Variants in ZDHHC11B observed in about 807,000 individuals in gnomAD.
ZDHHC11B encodes the protein probable palmitoyltransferase ZDHHC11B.
In ZDHHC11B, 17 loss-of-function variants were observed where a neutral mutation model predicts 42.3. The observed-to-expected ratio is 0.40, with a 90% CI of 0.27 to 0.60. The LOEUF is 0.60. Ranked by LOEUF, ZDHHC11B falls within the 20% of genes least tolerant of loss-of-function variation. ZDHHC11B has a pLI of 0.41. For synonymous variants in ZDHHC11B, 123 were observed against 193.5 expected (o/e 0.64, Z 3.02); for missense variants, 262 against 463.2 (o/e 0.57, Z 3.99).
chr5:712,464 A>G (rs1247452010), intron 13 of ZDHHC11B, among the ~76,000 whole-genome samples, 182 bp from the exon 14 acceptor site: 2 of 142,220 alleles, frequency 1.4e-5, no homozygotes, highest in Non-Finnish European at 3.1e-5. Context: ...GGGTCTAGTG[A>G]GAGTCCTCCC....
intron 13 of ZDHHC11B, among the ~76,000 whole-genome samples, chr5:715,454 C>T (rs1320889591): frequency 8.9e-4 from 134 of 150,330 alleles, no homozygotes; most frequent in African/African-American, 3.2e-3. Flanking sequence ...TTAAGTTTGT[C>T]CTCCATACCA....
intron 1 of ZDHHC11B, among the ~76,000 whole-genome samples, chr5:769,707 AG>A (rs1429808900): frequency 1.3e-5 from 2 of 152,078 alleles, no homozygotes; most frequent in Non-Finnish European, 2.9e-5. Flanking sequence ...CGGGCTGGAC[AG>A]GCCTAGTGCG....
intron 9 of ZDHHC11B, among the ~76,000 whole-genome samples, chr5:744,082 T>A (rs1744467167): frequency 6.7e-6 from 1 of 150,052 alleles, no homozygotes; most frequent in East Asian, 2.0e-4. Flanking sequence ...TTGATTGGCA[T>A]GATTGCGTGG....
intron 12 of ZDHHC11B, 69 bp from the exon 13 acceptor site, chr5:716,934 T>C: frequency 6.2e-7 from 1 of 1,605,744 alleles, no homozygotes; most frequent in Admixed American, 1.7e-5. Flanking sequence ...ACTGCCAAAG[T>C]GCACAAAATG....
At chr5:723,400 G>T (rs999924026) in intron 12 of ZDHHC11B, among the ~76,000 whole-genome samples, 1 of 128,378 alleles carries the variant, frequency 7.8e-6, no homozygotes, top group Non-Finnish European at 1.7e-5. Flanking sequence ...AGGAATAGGG[G>T]CTCAGAGTGG....
At position 711,420 on chromosome 5, in the gene ZDHHC11B, G is replaced by C. The variant is rs1741362741; in HGVS notation, c.*870C>G. On this transcript the variant is annotated 3_prime_UTR_variant, in exon 14 of 14. Transcript: ENST00000508859. ...CTGTGCTCCCATTTCCCAGTGCTGT[G>C]CTCCCAATTCCCAGTACTGTGCTCC... is the stretch of plus-strand genomic sequence containing the variant. 6.4e-6 allele frequency: 1 copy of C among 155,568 alleles called. No homozygotes were observed. Among genetic ancestry groups the C allele is most frequent in the African/African-American group, 2.5e-5 (1 of 40,800 alleles). The allele number at this position is 155,568 out of a possible 1,614,324, so 9.6% of individuals were successfully genotyped here. A position where few individuals can be genotyped will look rare whatever the true frequency, so the allele number is the denominator to read the frequency against.
chr5:742,874 GA>G (rs1351296353), intron 9 of ZDHHC11B, among the ~76,000 whole-genome samples: 1 of 148,942 alleles, frequency 6.7e-6, no homozygotes, highest in East Asian at 2.1e-4. Context: ...AATAGGCAGT[GA>G]TTTTGGTGTC....
At chr5:712,796 C>T (rs1358024889) in intron 13 of ZDHHC11B, among the ~76,000 whole-genome samples, 6 of 151,658 alleles carry the variant, frequency 4.0e-5, no homozygotes, top group African/African-American at 1.5e-4. Flanking sequence ...GTAGGCCCAG[C>T]TACATGGGAG....
chr5:767,259 A>C, intron 3 of ZDHHC11B, 133 bp downstream of exon 3: 1 of 1,096,202 alleles, frequency 9.1e-7, no homozygotes, highest in African/African-American at 1.5e-5. Flanking sequence ...AGCAACGGGA[A>C]GACCTGAGCT....
rs71593346 is a variant in ZDHHC11B at position 766,982 on chromosome 5, T to C, written c.1-63A>G. ...TCCGGGGAGGGCCGGCCCCACCCACTGTCAGGGAGACCACGGGGACTGGGA... is the reference window on the plus strand; with the variant it reads ...TCCGGGGAGGGCCGGCCCCACCCACCGTCAGGGAGACCACGGGGACTGGGA... On this transcript the variant is annotated intron_variant, in intron 3 of 13. Coordinates refer to ENST00000508859, the MANE Select transcript of ZDHHC11B (RefSeq NM_001351303.2). The C allele has an allele frequency of 1.0e-5, 16 of 1,555,928 alleles. 1 individual carries two copies. Among genetic ancestry groups the C allele is most frequent in the Non-Finnish European group, 1.4e-5 (16 of 1,137,682 alleles).
chr5:777,864 G>A (rs1264122129), intron 1 of ZDHHC11B, among the ~76,000 whole-genome samples: 1 of 151,786 alleles, frequency 6.6e-6, no homozygotes, highest in Non-Finnish European at 1.5e-5. Context: ...GGACCCGGCG[G>A]GGGCGGCGCC....
At chr5:760,244 C>A (rs1171291372) in intron 4 of ZDHHC11B, among the ~76,000 whole-genome samples, 2 of 151,862 alleles carry the variant, frequency 1.3e-5, no homozygotes, top group African/African-American at 4.8e-5. Flanking sequence ...CAAGCCCTAA[C>A]CCGCAGCACC....
intron 9 of ZDHHC11B, among the ~76,000 whole-genome samples, chr5:742,520 G>A (rs7736674): frequency 5.6e-3 from 771 of 138,114 alleles, no homozygotes; most frequent in African/African-American, 0.02. Context: ...GGTTTGTGGT[G>A]ACCCTGGTCA....
intron 12 of ZDHHC11B, 48 bp from the exon 13 acceptor site, chr5:716,913 A>C: frequency 6.2e-7 from 1 of 1,610,888 alleles, no homozygotes; most frequent in Non-Finnish European, 8.5e-7. Flanking sequence ...GTATGATGTA[A>C]TACTTGTTAT....
intron 13 of ZDHHC11B, among the ~76,000 whole-genome samples, chr5:715,909 C>G: frequency 6.6e-6 from 1 of 151,372 alleles, no homozygotes; most frequent in African/African-American, 2.4e-5. Flanking sequence ...CTGAGGATAC[C>G]AGGGCTTTTG....
At chr5:715,037 A>T (rs1383155402) in intron 13 of ZDHHC11B, among the ~76,000 whole-genome samples, 2 of 149,300 alleles carry the variant, frequency 1.3e-5, no homozygotes, top group African/African-American at 2.5e-5. Context: ...TAGTGGAAGA[A>T]GGCTGAGACC....
intron 1 of ZDHHC11B, among the ~76,000 whole-genome samples, chr5:774,348 C>T (rs1261038528): frequency 1.3e-5 from 2 of 152,174 alleles, no homozygotes; most frequent in African/African-American, 4.8e-5. Context: ...ACCCGGGTGT[C>T]CATGTGGCAT....
At chr5:743,091 C>G (rs10056035) in intron 9 of ZDHHC11B, among the ~76,000 whole-genome samples, 91,361 of 145,298 alleles carry the variant, frequency 0.63, 27,933 homozygotes, top group Middle Eastern at 0.77. Context: ...TGTGGATATC[C>G]AATTGTTCTA....
intron 1 of ZDHHC11B, among the ~76,000 whole-genome samples, chr5:777,353 G>A (rs1438827968): frequency 6.6e-5 from 10 of 151,820 alleles, no homozygotes; most frequent in African/African-American, 2.4e-4. Flanking sequence ...GAGACAGCGC[G>A]TCTGGAGCTG....
Sources: gnomAD v4.1 joint callset for allele counts (sites outside exome capture counted in the v4.1 genomes callset) on GRCh38, gnomAD v4.1.1 for gene constraint, MANE v1.5 for transcripts, NCBI Gene and HGNC (gene_info 2026-07-23, HGNC 2026-07-21) for gene names.